PTCSC3: variants seen among roughly 807,000 people sequenced by gnomAD.
PTCSC3 encodes papillary thyroid carcinoma susceptibility candidate 3.
chr14:36,142,144 T>A (rs1881437338), intron 3 of PTCSC3, among the ~76,000 whole-genome samples: 1 of 152,204 alleles, frequency 6.6e-6, no homozygotes, highest in Non-Finnish European at 1.5e-5. Flanking sequence ...TTAAGTATGA[T>A]GTTAGCTGGA....
chr14:36,148,560 G>C (rs1881646396), intron 3 of PTCSC3, among the ~76,000 whole-genome samples: 1 of 152,182 alleles, frequency 6.6e-6, no homozygotes, highest in Admixed American at 6.5e-5. Flanking sequence ...TGTGCCCACT[G>C]TCTGGCACTC....
intron 1 of PTCSC3, among the ~76,000 whole-genome samples, chr14:36,167,874 T>G (rs1455971414): frequency 3.3e-5 from 5 of 152,202 alleles, no homozygotes; most frequent in African/African-American, 9.7e-5. Context: ...CTTAACGTTC[T>G]GTAGAGCTAC....
At chr14:36,165,039 C>T (rs751015896) in intron 1 of PTCSC3, 2 of 152,214 alleles carry the variant, frequency 1.3e-5, no homozygotes, top group Non-Finnish European at 2.9e-5. Flanking sequence ...GGGGGAATAA[C>T]CTCATTATGC....
At chr14:36,165,018 T>C (rs866217997) in intron 1 of PTCSC3, 2 of 152,176 alleles carry the variant, frequency 1.3e-5, no homozygotes, top group Non-Finnish European at 2.9e-5. Context: ...GGAAGTAACC[T>C]GGGGGTATCC....
chr14:36,165,722 C>CTTTTTTTTTTTTTT (rs71448056), intron 1 of PTCSC3, among the ~76,000 whole-genome samples: 1 of 124,820 alleles, frequency 8.0e-6, no homozygotes, highest in Non-Finnish European at 1.7e-5. Context: ...TTTATTTTTC[C>CTTTTTTTTTTTTTT]TTTTTTTTTT....
intron 1 of PTCSC3, among the ~76,000 whole-genome samples, chr14:36,163,167 G>A (rs12433917): frequency 0.011 from 1,610 of 152,068 alleles, 28 homozygotes; most frequent in African/African-American, 0.034. Flanking sequence ...GAGCCTAGGG[G>A]TCTGAAGCCA....
chr14:36,135,866 T>C (rs891835885), downstream of PTCSC3, among the ~76,000 whole-genome samples: 16 of 150,750 alleles, frequency 1.1e-4, no homozygotes, highest in African/African-American at 3.9e-4. Flanking sequence ...GGGACAGATA[T>C]ATATATATAT....
At chr14:36,139,009 G>C (rs1248504284) in intron 3 of PTCSC3, among the ~76,000 whole-genome samples, 1 of 151,782 alleles carries the variant, frequency 6.6e-6, no homozygotes, top group Non-Finnish European at 1.5e-5. Flanking sequence ...AGCTACTCAG[G>C]AGGCTGAGGC....
chr14:36,175,202 G>T (rs1882261852), intron 1 of PTCSC3, among the ~76,000 whole-genome samples: 1 of 152,082 alleles, frequency 6.6e-6, no homozygotes, highest in Non-Finnish European at 1.5e-5. Context: ...TCAGACTCCA[G>T]GTCTCTGTAC....
chr14:36,162,324 C>T (rs1473347153), intron 2 of PTCSC3, among the ~76,000 whole-genome samples: 1 of 150,272 alleles, frequency 6.7e-6, no homozygotes, highest in Non-Finnish European at 1.5e-5. Flanking sequence ...AATGGCTGCC[C>T]GGTTTTGTGC....
At chr14:36,135,202 T>A (rs1279259054), downstream of PTCSC3, among the ~76,000 whole-genome samples, 1 of 152,216 alleles carries the variant, frequency 6.6e-6, no homozygotes, top group African/African-American at 2.4e-5. Flanking sequence ...AGCTTTTACT[T>A]CTTGTTATTA....
At chr14:36,137,714 A>G (rs1379009060) in intron 3 of PTCSC3, among the ~76,000 whole-genome samples, 1 of 152,246 alleles carries the variant, frequency 6.6e-6, no homozygotes, top group Non-Finnish European at 1.5e-5. Context: ...ACTATAAGAT[A>G]GATATGTGAT....
intron 3 of PTCSC3, among the ~76,000 whole-genome samples, chr14:36,150,530 C>A (rs1343795419): frequency 6.6e-6 from 1 of 152,220 alleles, no homozygotes; most frequent in Non-Finnish European, 1.5e-5. Context: ...CCTGAAGGGA[C>A]TGACATCTAA....
At chr14:36,160,068 C>G (rs895709040) in intron 2 of PTCSC3, among the ~76,000 whole-genome samples, 1 of 152,184 alleles carries the variant, frequency 6.6e-6, no homozygotes, top group African/African-American at 2.4e-5. Context: ...TTTTTGCTCT[C>G]CATTTGCTTG....
intron 1 of PTCSC3, among the ~76,000 whole-genome samples, chr14:36,170,704 T>C (rs964244173): frequency 6.6e-6 from 1 of 152,100 alleles, no homozygotes; most frequent in Non-Finnish European, 1.5e-5. Context: ...ACTCAAAAAT[T>C]TTTTTAACAC....
At chr14:36,148,389 G>T (rs894453272) in intron 3 of PTCSC3, among the ~76,000 whole-genome samples, 5 of 152,214 alleles carry the variant, frequency 3.3e-5, no homozygotes, top group Non-Finnish European at 5.9e-5. Context: ...AAGCCTGTCG[G>T]AAAAGCGCAG....
chr14:36,168,397 A>ATATATATATATATATATT (rs1882135973), intron 1 of PTCSC3, among the ~76,000 whole-genome samples: 1 of 123,954 alleles, frequency 8.1e-6, no homozygotes, highest in Admixed American at 8.4e-5. Context: ...ATATATATAT[A>ATATATATATATATATATT]TTCTACTTTT....
intron 3 of PTCSC3, among the ~76,000 whole-genome samples, chr14:36,146,946 T>A (rs2139093579): frequency 6.6e-6 from 1 of 152,346 alleles, no homozygotes; most frequent in East Asian, 1.9e-4. Context: ...GGATATGAAA[T>A]TCTGGGTTGA....
chr14:36,165,616 G>A (rs1183217469), intron 1 of PTCSC3, among the ~76,000 whole-genome samples: 4 of 151,600 alleles, frequency 2.6e-5, no homozygotes, highest in South Asian at 2.1e-4. Context: ...TTAAATTAGC[G>A]TTTTAGATAT....
Sources: gnomAD v4.1 joint callset for allele counts (sites outside exome capture counted in the v4.1 genomes callset) on GRCh38, gnomAD v4.1.1 for gene constraint, MANE v1.5 for transcripts, NCBI Gene and HGNC (gene_info 2026-07-23, HGNC 2026-07-21) for gene names.